The following DCLK1 variants were observed in gnomAD, a reference collection of about 807,000 sequenced individuals.
DCLK1 encodes doublecortin like kinase 1.
A neutral mutation model predicts 86.2 loss-of-function variants in DCLK1; 16 were observed. The observed-to-expected ratio is 0.19, with a 90% CI of 0.13 to 0.28. The LOEUF (loss-of-function observed/expected upper bound fraction) is 0.28, where lower values mean the gene tolerates loss of function less well. DCLK1 is among the 10% of genes least tolerant of loss of function. DCLK1 has a pLI of 1.00. For missense variants in DCLK1, 590 were observed against 940.2 expected (o/e 0.63, Z 4.87); for synonymous variants, 369 against 370.5 (o/e 1.00, Z 0.05).
At chr13:35,847,606 A>C in intron 6 of DCLK1, 1 of 934,726 alleles carries the variant, frequency 1.1e-6, no homozygotes, top group African/African-American at 1.8e-5. Flanking sequence ...TGCACACTTC[A>C]TTGTTTTTAA....
At chr13:36,013,177 C>T (rs1262084877) in intron 3 of DCLK1, among the ~76,000 whole-genome samples, 2 of 149,798 alleles carry the variant, frequency 1.3e-5, no homozygotes, top group African/African-American at 4.9e-5. Context: ...GTTTGAATGT[C>T]CTCCCGTAGC....
intron 3 of DCLK1, among the ~76,000 whole-genome samples, chr13:36,058,805 ATATAAT>A (rs2153158771): frequency 6.6e-6 from 1 of 152,302 alleles, no homozygotes; most frequent in African/African-American, 2.4e-5. Context: ...CCAGGCCAAC[ATATAAT>A]TTAGTGGGGA....
At chr13:36,117,688 C>G (rs6563349) in intron 2 of DCLK1, among the ~76,000 whole-genome samples, 60,204 of 151,944 alleles carry the variant, frequency 0.4, 13,476 homozygotes, top group East Asian at 0.77. Context: ...ACAATGAAAC[C>G]TAAAAATTAA....
In DCLK1 at chr13:35,968,946, A is replaced by G. The variant is rs1388178073; in HGVS notation, c.724-21489T>C. Among the ~76,000 whole-genome samples the G allele has an allele frequency of 2.0e-5, 3 of 152,328 alleles. No individual in the cohort carries two copies. The East Asian group carries it at 5.8e-4, about 29-fold the overall frequency. On this transcript the variant is annotated intron_variant, in intron 3 of 16. Transcript: ENST00000360631. ...TACGTCCTAACCAATCAGCCAACCA[A>G]CAAGGAAACAAAATGCTCATCTACA...
At chr13:36,018,694 AT>A (rs35015452) in intron 3 of DCLK1, among the ~76,000 whole-genome samples, 1 of 152,172 alleles carries the variant, frequency 6.6e-6, no homozygotes, top group African/African-American at 2.4e-5. Flanking sequence ...GAAGAATATA[AT>A]TTTTAAATAA....
chr13:36,074,362 C>T (rs905619834), intron 3 of DCLK1, among the ~76,000 whole-genome samples: 7 of 150,936 alleles, frequency 4.6e-5, no homozygotes, highest in Middle Eastern at 3.2e-3. Context: ...ATTAGCAGGG[C>T]GAGGTAGTCC....
At chr13:35,850,269 T>G in intron 6 of DCLK1, 1 of 984,510 alleles carries the variant, frequency 1.0e-6, no homozygotes, top group Non-Finnish European at 1.2e-6. Flanking sequence ...CAATATAACC[T>G]TTAGAAAAAA....
chr13:36,005,507 C>G (rs74494217), intron 3 of DCLK1, among the ~76,000 whole-genome samples: 1 of 152,030 alleles, frequency 6.6e-6, no homozygotes, highest in Non-Finnish European at 1.5e-5. Context: ...CAAAGAGAAA[C>G]AATAATAAAA....
rs1883404565 is a variant in DCLK1 at position 36,058,167 on chromosome 13, A to G, written c.723+53702T>C. Among the ~76,000 whole-genome samples, 3 of 152,176 alleles carry G rather than the reference A, an allele frequency of 2.0e-5. No homozygotes were observed. In the South Asian group the frequency reaches 6.2e-4, roughly 32 times the overall value. On this transcript the variant is annotated intron_variant, in intron 3 of 16. Coordinates refer to ENST00000360631, the MANE Select transcript of DCLK1 (RefSeq NM_001330071.2). ...GAACTGGGTTTTTAAAAAAGAGTGG[A>G]ATTTTGACAAGCACACATTAAGGAT...
At chr13:36,057,648 C>T (rs572035662) in intron 3 of DCLK1, among the ~76,000 whole-genome samples, 13 of 152,186 alleles carry the variant, frequency 8.5e-5, no homozygotes, top group Admixed American at 8.5e-4. Flanking sequence ...GTAGTTTCAG[C>T]CTGTGCAGGG....
At chr13:36,006,965 G>A (rs1377226640) in intron 3 of DCLK1, among the ~76,000 whole-genome samples, 1 of 152,186 alleles carries the variant, frequency 6.6e-6, no homozygotes, top group Non-Finnish European at 1.5e-5. Flanking sequence ...CCTGTGCTCA[G>A]ATTCATAACA....
At chr13:35,809,838 C>T (rs2087105348) in intron 12 of DCLK1, among the ~76,000 whole-genome samples, 1 of 152,166 alleles carries the variant, frequency 6.6e-6, no homozygotes, top group African/African-American at 2.4e-5. Context: ...TTGGGATTCC[C>T]TTCTCATCTA....
In DCLK1 at chr13:36,125,823, C is replaced by A; in HGVS notation, c.315G>T (p.Val105=). ...LSDNVNLPQG[V]RTIYTIDGLK... ...GCCCATCAATGGTGTAGATTGTTCT[C>A]ACTCCCTGGGGCAAATTCACGTTAT... The change falls in exon 2 of 17, where the codon GTG becomes GTT. Residue 105 remains valine, a synonymous_variant. Transcript: ENST00000360631. The A allele has an allele frequency of 2.5e-6, 4 of 1,612,758 alleles. No individual in the cohort carries two copies. The highest frequency in any genetic ancestry group is 2.7e-5 in the African/African-American group (2 of 74,506).
At chr13:35,965,381 T>C (rs1287339835) in intron 3 of DCLK1, among the ~76,000 whole-genome samples, 1 of 152,232 alleles carries the variant, frequency 6.6e-6, no homozygotes, top group African/African-American at 2.4e-5. Context: ...TGACTCGAAT[T>C]TAACTGAATT....
chr13:36,110,368 T>C (rs1477462767), intron 3 of DCLK1, among the ~76,000 whole-genome samples: 1 of 152,124 alleles, frequency 6.6e-6, no homozygotes, highest in Non-Finnish European at 1.5e-5. Flanking sequence ...GAGAATCTCA[T>C]CCATTAGAAT....
rs10162054 is a variant in DCLK1, at chr13:35,769,307, T to C, written c.*5228A>G. ...TATTGAATTTTTTTCTTGAGTCAAA[T>C]TGAAACCTTTCAGAAACTTGTTTAA... is the stretch of plus-strand genomic sequence containing the variant. On this transcript the variant is annotated 3_prime_UTR_variant, in exon 17 of 17. Coordinates refer to ENST00000360631, the MANE Select transcript of DCLK1 (RefSeq NM_001330071.2). 1.4e-3 allele frequency: 212 copies of C among 152,322 alleles called. 2 individuals are homozygous for C. The highest frequency in any genetic ancestry group is 4.9e-3 in the African/African-American group (203 of 41,568). 9.4% of individuals were successfully genotyped at this position (152,322 alleles called of 1,614,324 possible). A position where few individuals can be genotyped will look rare whatever the true frequency, so the allele number is the denominator to read the frequency against.
At chr13:36,022,839 C>A (rs1434302142) in intron 3 of DCLK1, among the ~76,000 whole-genome samples, 1 of 152,044 alleles carries the variant, frequency 6.6e-6, no homozygotes, top group African/African-American at 2.4e-5. Context: ...AGAAAATGAA[C>A]AACAATTCTT....
intron 3 of DCLK1, among the ~76,000 whole-genome samples, chr13:35,947,706 T>C (rs1404612811): frequency 3.3e-5 from 5 of 152,226 alleles, no homozygotes; most frequent in South Asian, 2.1e-4. Context: ...TTACTTGATA[T>C]ATCAACAGGC....
intron 4 of DCLK1, among the ~76,000 whole-genome samples, chr13:35,909,891 C>T (rs921868080): frequency 1.3e-5 from 2 of 152,118 alleles, no homozygotes; most frequent in Non-Finnish European, 2.9e-5. Flanking sequence ...GCCTCTCTCA[C>T]CAAAAACAGG....
Sources: allele counts gnomAD v4.1 joint callset (sites outside exome capture counted in the v4.1 genomes callset), GRCh38; gene constraint gnomAD v4.1.1; transcripts MANE v1.5; gene names NCBI Gene and HGNC (gene_info 2026-07-23, HGNC 2026-07-21).